DMRTC2: variants seen among roughly 807,000 people sequenced by gnomAD.
The protein encoded by DMRTC2 is doublesex- and mab-3-related transcription factor C2.
In DMRTC2, 13 loss-of-function variants were observed where a neutral mutation model predicts 39.9. The observed-to-expected ratio is 0.33, with a 90% confidence interval of 0.21 to 0.52. The LOEUF (loss-of-function observed/expected upper bound fraction) is 0.52. DMRTC2 is among the 20% of genes least tolerant of loss of function. The probability of loss-of-function intolerance (pLI) is 0.96; values close to 1 mark genes in which losing one functional copy is unlikely to be tolerated. For missense variants in DMRTC2, 431 were observed against 472.8 expected (o/e 0.91, Z 0.82); for synonymous variants, 189 against 185.2 (o/e 1.02, Z -0.17).
Position 41,847,775 on chromosome 19 carries a change from T to A in DMRTC2, c.264T>A (p.Arg88=). 6.2e-7 allele frequency: 1 copy of A among 1,613,454 alleles called. No homozygotes were observed. The highest frequency in any genetic ancestry group is 8.5e-7 in the Non-Finnish European group (1 of 1,179,748). ...TCATGGCTGCCCAGGTGGCCTTGCG[T>A]AGGCAGCAGGAGGCGCAGCTAAAGA... The part of the protein sequence containing the change: ...RRVMAAQVAL[R]RQQEAQLKKH... The change falls in exon 3 of 9, where the codon CGT becomes CGA. Residue 88 remains arginine, a synonymous_variant. Transcript: ENST00000269945.
chr19:41,847,878 C>A lies in DMRTC2; in HGVS notation c.367C>A (p.Pro123Thr). Residue 123 changes from proline (P) to threonine (T), a missense_variant, in exon 3 of 9, where the codon CCC (proline) becomes ACC (threonine). Physicochemically the swap from Pro to Thr is conservative, Grantham distance 38. Transcript: ENST00000269945. ...AAAGGGAACCACTCAGCCACAGGTC[C>A]CCTGTGAGTGTCTCTGACCAGCGAT... ...FRKGTTQPQV[P>T]SGKENIAPQP... is the part of the protein sequence containing the mutation. The A allele has an allele frequency of 1.3e-6, 2 of 1,580,954 alleles. No individual in the cohort carries two copies. The highest frequency in any genetic ancestry group is 2.3e-5 in the East Asian group (1 of 43,086).
chr19:41,850,868 G>A, intron 8 of DMRTC2, 168 bp downstream of exon 8: 1 of 650,658 alleles, frequency 1.5e-6, no homozygotes, highest in Non-Finnish European at 2.4e-6. Context: ...GAGTTATTCA[G>A]TGAATCCTTT....
intron 4 of DMRTC2, 84 bp from the exon 5 acceptor site, chr19:41,848,711 T>G (rs2073906048): frequency 1.3e-6 from 2 of 1,599,438 alleles, no homozygotes; most frequent in African/African-American, 1.3e-5. Flanking sequence ...CCCAAAGTTT[T>G]GGGGTTCTGC....
Position 41,847,523 on chromosome 19 carries a change from C to G in DMRTC2, c.95C>G (p.Pro32Arg), listed in dbSNP as rs148203157. 5.0e-6 allele frequency: 8 copies of G among 1,614,038 alleles called. No individual in the cohort carries two copies. The highest frequency in any genetic ancestry group is 6.8e-6 in the Non-Finnish European group (8 of 1,180,020). The change falls in exon 2 of 9, where the codon CCC becomes CGC. Residue 32 changes from proline (P) to arginine (R), a missense_variant. By Grantham distance (103) the Pro-to-Arg change is moderately radical (BLOSUM62 -2). Transcript: ENST00000269945. Reference sequence around the variant, plus strand: ...GACCCCCAGAGCACAGAGCTGATCCCCAGGAGAGCCATCAGCCGCTCTCCA... The same window carrying G: ...GACCCCCAGAGCACAGAGCTGATCCGCAGGAGAGCCATCAGCCGCTCTCCA... ...TRDPQSTELI[P>R]RRAISRSPTC...
rs574391297 is a variant in DMRTC2 at position 41,849,917 on chromosome 19, A to G, written c.756-395A>G. The stretch of plus-strand genomic sequence containing the variant: ...AACTGAGCGAGACTTCGTCTCTACA[A>G]AAAAATTAAAACAGCCAGGAATGGT... On this transcript the variant is annotated intron_variant, in intron 6 of 8. Coordinates refer to ENST00000269945, the MANE Select transcript of DMRTC2 (RefSeq NM_001040283.3). Among the ~76,000 whole-genome samples, 11 of 152,264 alleles carry G rather than the reference A, an allele frequency of 7.2e-5. No individual in the cohort carries two copies. In the South Asian group the frequency reaches 2.1e-3, roughly 29 times the overall value.
Position 41,851,690 on chromosome 19 carries a change from GAGC to G in DMRTC2, c.1099_1101del (p.Ser367del). ...GCCGTCTGGGGTCCATCTCCCTCCT[GAGC>G]TAGAAACCCAGAGATGGAGGCTGTC... On this transcript the variant is annotated inframe_deletion, in exon 9 of 9. Transcript: ENST00000269945. The G allele has an allele frequency of 1.2e-6, 2 of 1,614,080 alleles. No homozygotes were observed. The highest frequency in any genetic ancestry group is 1.7e-6 in the Non-Finnish European group (2 of 1,179,984).
Position 41,847,773 on chromosome 19 carries a change from C to A in DMRTC2, c.262C>A (p.Arg88Ser). ...RRVMAAQVALRRQQEAQLKKH... is the reference protein window; with the variant it reads ...RRVMAAQVALSRQQEAQLKKH... ...GGTCATGGCTGCCCAGGTGGCCTTGCGTAGGCAGCAGGAGGCGCAGCTAAA... is the reference window on the plus strand; with the variant it reads ...GGTCATGGCTGCCCAGGTGGCCTTGAGTAGGCAGCAGGAGGCGCAGCTAAA... The change falls in exon 3 of 9, where the codon CGT (arginine) becomes AGT (serine). Residue 88 changes from arginine to serine, a missense_variant. Physicochemically the swap from Arg to Ser is moderately radical, Grantham distance 110. Transcript: ENST00000269945. The A allele has an allele frequency of 6.2e-7, 1 of 1,613,436 alleles. No homozygotes were observed. The highest frequency in any genetic ancestry group is 8.5e-7 in the Non-Finnish European group (1 of 1,179,706).
rs781984329 is a variant in DMRTC2, at chr19:41,847,741, G to A, written c.230G>A (p.Arg77His). Residue 77 changes from arginine (R) to histidine (H), a missense_variant, in exon 3 of 9, where the codon CGC becomes CAC. By Grantham distance (29) the Arg-to-His change is conservative. Transcript: ENST00000269945. ...TTGCAACTCCCCACTTTTAGGGAGCGCCGCAGGGTCATGGCTGCCCAGGTG... is the reference window on the plus strand; with the variant it reads ...TTGCAACTCCCCACTTTTAGGGAGCACCGCAGGGTCATGGCTGCCCAGGTG... ...ECHKCVLILE[R>H]RRVMAAQVAL... The A allele has an allele frequency of 1.2e-5, 19 of 1,613,972 alleles. No homozygotes were observed. The highest frequency in any genetic ancestry group is 2.2e-5 in the East Asian group (1 of 44,884).
chr19:41,851,909 A>G lies in DMRTC2; in HGVS notation c.*213A>G. ...TAGTGTGGGCATTTCCTTGGCTGACAGTGGATATTCTTGTACCCTTCTTGG... is the reference window on the plus strand; with the variant it reads ...TAGTGTGGGCATTTCCTTGGCTGACGGTGGATATTCTTGTACCCTTCTTGG... On this transcript the variant is annotated 3_prime_UTR_variant, in exon 9 of 9. Transcript: ENST00000269945. 1 of 582,110 alleles carries G rather than the reference A, an allele frequency of 1.7e-6. No homozygotes were observed. Among genetic ancestry groups the G allele is most frequent in the Non-Finnish European group, 3.1e-6 (1 of 327,474 alleles). The allele number at this position is 582,110 out of a possible 1,614,324, so 36.1% of individuals were successfully genotyped here. A position where few individuals can be genotyped will look rare whatever the true frequency, so the allele number is the denominator to read the frequency against.
intron 1 of DMRTC2, among the ~76,000 whole-genome samples, chr19:41,846,937 A>G (rs556461656): frequency 6.6e-6 from 1 of 151,768 alleles, no homozygotes; most frequent in Admixed American, 6.6e-5. Context: ...GCACTTTGGG[A>G]GGCCGAGACA....
Position 41,851,653 on chromosome 19 carries a change from C to G in DMRTC2, c.1061C>G (p.Ala354Gly), listed in dbSNP as rs781783861. The change falls in exon 9 of 9, where the codon GCT (alanine) becomes GGT (glycine). Residue 354 changes from alanine (A) to glycine (G), a missense_variant. By Grantham distance (60) the Ala-to-Gly change is moderately conservative (BLOSUM62 0). Coordinates refer to ENST00000269945, the MANE Select transcript of DMRTC2 (RefSeq NM_001040283.3). Reference protein sequence around the residue: ...CLRPSPAPSVALHIGRLGSIS... With the variant: ...CLRPSPAPSVGLHIGRLGSIS... ...CGACCCAGCCCAGCCCCCTCTGTTG[C>G]TCTGCATATTGGCCGTCTGGGGTCC... is the stretch of plus-strand genomic sequence containing the variant. 5 of 1,614,210 alleles carry G rather than the reference C, an allele frequency of 3.1e-6. No homozygotes were observed. The highest frequency in any genetic ancestry group is 1.1e-5 in the South Asian group (1 of 91,078).
At chr19:41,850,449 A>C in intron 7 of DMRTC2, 77 bp downstream of exon 7, 1 of 1,576,528 alleles carries the variant, frequency 6.3e-7, no homozygotes, top group Non-Finnish European at 8.6e-7. Flanking sequence ...AAACTGAAGG[A>C]AGCAGGGGCT....
intron 6 of DMRTC2, 187 bp from the exon 7 acceptor site, chr19:41,850,125 C>A: frequency 2.1e-6 from 1 of 485,830 alleles, no homozygotes; most frequent in Non-Finnish European, 3.6e-6. Flanking sequence ...CTCACAGTAG[C>A]CCTGGGAGGA....
intron 8 of DMRTC2, 112 bp downstream of exon 8, chr19:41,850,812 C>G (rs2073945335): frequency 8.8e-7 from 1 of 1,134,966 alleles, no homozygotes; most frequent in Non-Finnish European, 1.2e-6. Context: ...CGTCTTCAGG[C>G]CCAGGACCCC....
intron 8 of DMRTC2, 49 bp downstream of exon 8, chr19:41,850,749 T>C (rs782068902): frequency 9.3e-6 from 14 of 1,512,906 alleles, no homozygotes; most frequent in African/African-American, 7.1e-5. Flanking sequence ...GAAATGGAGA[T>C]CACTGAAGTA....
At position 41,849,236 on chromosome 19, in the gene DMRTC2, G is replaced by T; in HGVS notation, c.735G>T (p.Gly245=). The T allele has an allele frequency of 1.2e-6, 2 of 1,613,958 alleles. No individual in the cohort carries two copies. Among genetic ancestry groups the T allele is most frequent in the African/African-American group, 1.3e-5 (1 of 75,028 alleles). ...CTCCTCTTTCTGGAGAGCCCCAAGG[G>T]CCCCCTAGCCAGCCCCGCACGTGAG... ...LTAPLSGEPQ[G]PPSQPRTHST... The change falls in exon 6 of 9, where the codon GGG becomes GGT. Residue 245 remains glycine (G), a synonymous_variant. Coordinates refer to ENST00000269945, the MANE Select transcript of DMRTC2 (RefSeq NM_001040283.3).
chr19:41,849,166 A>G lies in DMRTC2; in HGVS notation c.665A>G (p.His222Arg), dbSNP rs782159590. The change falls in exon 6 of 9, where the codon CAT (histidine) becomes CGT (arginine). Residue 222 changes from histidine (H) to arginine (R), a missense_variant. Transcript: ENST00000269945. ...DPGTSLQLPT[H>R]GPFTTCPGSH... The stretch of plus-strand genomic sequence containing the variant: ...GGCACCTCCCTCCAGCTGCCCACTC[A>G]TGGGCCCTTCACCACCTGCCCAGGA... 1.2e-6 allele frequency: 2 copies of G among 1,614,166 alleles called. No homozygotes were observed. Among genetic ancestry groups the G allele is most frequent in the Non-Finnish European group, 1.7e-6 (2 of 1,180,028 alleles).
In DMRTC2 at chr19:41,848,517, C is replaced by T. The variant is rs782763862; in HGVS notation, c.436C>T (p.Pro146Ser). 1.9e-6 allele frequency: 3 copies of T among 1,594,420 alleles called. No homozygotes were observed. Among genetic ancestry groups the T allele is most frequent in the African/African-American group, 2.7e-5 (2 of 73,996 alleles). The change falls in exon 4 of 9, where the codon CCC (proline) becomes TCC (serine). Residue 146 changes from proline (P) to serine (S), a missense_variant. Pro to Ser is a moderately conservative substitution (Grantham distance 74, BLOSUM62 -1). Transcript: ENST00000269945. The part of the protein sequence containing the change: ...PHGAVLLAPT[P>S]PGKNSCGPLL... ...TGGGGCAGTCCTGCTGGCACCGACA[C>T]CCCCCGGGAAGGTAAGGAGAGGCTG...
intron 2 of DMRTC2, 30 bp from the exon 3 acceptor site, chr19:41,847,706 G>A (rs905985897): frequency 6.2e-7 from 1 of 1,613,938 alleles, no homozygotes; most frequent in Non-Finnish European, 8.5e-7. Flanking sequence ...AAGGGTGGCT[G>A]ACCTTTGACT....
Sources: allele counts gnomAD v4.1 joint callset (sites outside exome capture counted in the v4.1 genomes callset), GRCh38; gene constraint gnomAD v4.1.1; transcripts MANE v1.5; gene names NCBI Gene and HGNC (gene_info 2026-07-23, HGNC 2026-07-21).